Variants in NETO1 observed in about 807,000 individuals in gnomAD.
The protein encoded by NETO1 is neuropilin and tolloid like 1, also known as neuropilin and tolloid-like protein 1.
In NETO1, 26 loss-of-function variants were observed where a neutral mutation model predicts 61.3. The ratio of observed to expected loss-of-function variants is 0.42; its 90% CI spans 0.31 to 0.59. The LOEUF is 0.59. Among genes scored for constraint, NETO1 ranks in the 20% least tolerant of loss-of-function variants. The probability of loss-of-function intolerance (pLI) is 0.12; values close to 1 mark genes in which losing one functional copy is unlikely to be tolerated. For missense variants in NETO1, 531 were observed against 662.8 expected (o/e 0.80, Z 2.18); for synonymous variants, 225 against 225.8 (o/e 1.00, Z 0.03).
At chr18:72,760,024 C>T (rs1037479284) in intron 7 of NETO1, among the ~76,000 whole-genome samples, 3 of 152,122 alleles carry the variant, frequency 2.0e-5, no homozygotes, top group Non-Finnish European at 2.9e-5. Flanking sequence ...ATAGATGGAA[C>T]GATTTGCTAT....
intron 4 of NETO1, among the ~76,000 whole-genome samples, chr18:72,813,653 T>A (rs1023810405): frequency 6.6e-6 from 1 of 152,190 alleles, no homozygotes; most frequent in Non-Finnish European, 1.5e-5. Flanking sequence ...AAAATCACAG[T>A]AATTGCAATA....
chr18:72,855,544 G>A (rs986535229), intron 4 of NETO1, among the ~76,000 whole-genome samples: 2 of 152,138 alleles, frequency 1.3e-5, no homozygotes, highest in Non-Finnish European at 2.9e-5. Flanking sequence ...CTCTGCCTCC[G>A]TATCCTCCAC....
chr18:72,858,375 C>T (rs2074467576), intron 4 of NETO1, among the ~76,000 whole-genome samples: 1 of 152,126 alleles, frequency 6.6e-6, no homozygotes, highest in African/African-American at 2.4e-5. Flanking sequence ...CAGACTACTT[C>T]CTAAAGTAGG....
At chr18:72,762,348 T>C (rs2071005540) in intron 7 of NETO1, among the ~76,000 whole-genome samples, 1 of 152,136 alleles carries the variant, frequency 6.6e-6, no homozygotes, top group South Asian at 2.1e-4. Context: ...CACTTTTTAA[T>C]TTATGAAAAC....
At chr18:72,749,953 T>A in intron 9 of NETO1, 109 bp downstream of exon 9, 1 of 848,464 alleles carries the variant, frequency 1.2e-6, no homozygotes, top group Non-Finnish European at 1.8e-6. Flanking sequence ...AGGGTTTAAA[T>A]CATTAATTAA....
intron 4 of NETO1, among the ~76,000 whole-genome samples, chr18:72,829,659 C>T (rs1339085841): frequency 6.6e-6 from 1 of 152,152 alleles, no homozygotes; most frequent in East Asian, 1.9e-4. Flanking sequence ...TAATTAGCTG[C>T]TCCTTTGCCA....
chr18:72,851,994 GA>G (rs1472886924), intron 4 of NETO1, among the ~76,000 whole-genome samples: 2 of 152,058 alleles, frequency 1.3e-5, no homozygotes, highest in African/African-American at 4.8e-5. Flanking sequence ...AAGGTTGAAG[GA>G]AATAAATTCC....
chr18:72,853,751 C>A (rs531071486), intron 4 of NETO1, among the ~76,000 whole-genome samples: 115 of 141,238 alleles, frequency 8.1e-4, no homozygotes, highest in South Asian at 1.1e-3. Flanking sequence ...AGTGAGATGT[C>A]AAAAAAAAAA....
intron 4 of NETO1, among the ~76,000 whole-genome samples, chr18:72,846,312 G>C (rs1311738400): frequency 1.3e-5 from 2 of 151,408 alleles, no homozygotes; most frequent in African/African-American, 4.9e-5. Flanking sequence ...AGACCAGCCT[G>C]GCCAATATGG....
At chr18:72,811,039 G>C (rs1321924206) in intron 4 of NETO1, among the ~76,000 whole-genome samples, 1 of 152,140 alleles carries the variant, frequency 6.6e-6, no homozygotes, top group Non-Finnish European at 1.5e-5. Context: ...CCAAGAGCTT[G>C]CAATTATTCT....
chr18:72,772,823 CTCTATATATATATATATATATATA>C (rs1485359176), intron 7 of NETO1, among the ~76,000 whole-genome samples: 507 of 38,790 alleles, frequency 0.013, 3 homozygotes, highest in African/African-American at 0.041. Flanking sequence ...CTCTCTCTCT[CTCTATATATATATATATATATATA>C]TATATATATA....
chr18:72,778,007 T>G (rs2071615010), intron 7 of NETO1, among the ~76,000 whole-genome samples: 1 of 152,118 alleles, frequency 6.6e-6, no homozygotes, highest in South Asian at 2.1e-4. Context: ...GAAACATAGG[T>G]GAAGGCAGCC....
intron 3 of NETO1, among the ~76,000 whole-genome samples, chr18:72,862,912 G>C (rs1213379858): frequency 1.3e-5 from 2 of 152,066 alleles, no homozygotes; most frequent in South Asian, 2.1e-4. Flanking sequence ...GAGCCACCAC[G>C]TCTGGCGATC....
At chr18:72,765,085 C>T in intron 7 of NETO1, among the ~76,000 whole-genome samples, 1 of 152,162 alleles carries the variant, frequency 6.6e-6, no homozygotes, top group Non-Finnish European at 1.5e-5. Context: ...AAACACTTTC[C>T]AATAATGTTA....
rs1942459 is a variant in NETO1 at position 72,809,386 on chromosome 18, T to C, written c.470-14982A>G. Among the ~76,000 whole-genome samples the C allele has an allele frequency of 4.5e-3, 687 of 152,316 alleles. 7 individuals carry two copies. The highest frequency in any genetic ancestry group is 0.015 in the African/African-American group (630 of 41,582). ...TTAATATGCTGAACCTGTATGTAAC[T>C]AACACTTATTGACAGAATTCTACCT... is the stretch of plus-strand genomic sequence containing the variant. On this transcript the variant is annotated intron_variant, in intron 4 of 10. Coordinates refer to ENST00000327305, the MANE Select transcript of NETO1 (RefSeq NM_138966.5).
chr18:72,834,420 A>C, intron 4 of NETO1: 1 of 974,006 alleles, frequency 1.0e-6, no homozygotes, highest in Non-Finnish European at 1.2e-6. Context: ...AGAAAATTTC[A>C]CTGAAATTTA....
intron 4 of NETO1, among the ~76,000 whole-genome samples, chr18:72,845,804 C>G (rs868610659): frequency 1.3e-5 from 2 of 152,184 alleles, no homozygotes; most frequent in African/African-American, 2.4e-5. Flanking sequence ...AACAACAGAG[C>G]AAATCACATG....
rs1379164806 is a variant in NETO1, at chr18:72,794,200, T to C, written c.556A>G (p.Ile186Val). 7 of 1,614,082 alleles carry C rather than the reference T, an allele frequency of 4.3e-6. No individual in the cohort carries two copies. In the Admixed American group the frequency reaches 6.7e-5, roughly 15 times the overall value. Reference protein sequence around the residue: ...MGGSEGIVESIQIMKEGKATA... With the variant: ...MGGSEGIVESVQIMKEGKATA... Reference sequence around the variant, plus strand: ...GCTTTGCCTTCCTTCATAATTTGTATAGACTCCACAATTCCTTCGGAACCG... The same window carrying C: ...GCTTTGCCTTCCTTCATAATTTGTACAGACTCCACAATTCCTTCGGAACCG... Residue 186 changes from isoleucine to valine, a missense_variant, in exon 6 of 11, where the codon ATA becomes GTA. Ile to Val is a conservative substitution (Grantham distance 29, BLOSUM62 3). Coordinates refer to ENST00000327305, the MANE Select transcript of NETO1 (RefSeq NM_138966.5).
intron 6 of NETO1, among the ~76,000 whole-genome samples, chr18:72,787,528 A>T (rs1279280256): frequency 6.6e-6 from 1 of 152,192 alleles, no homozygotes; most frequent in Non-Finnish European, 1.5e-5. Flanking sequence ...AATTTCTAAC[A>T]TTGCATGTAG....
Sources: allele counts gnomAD v4.1 joint callset (sites outside exome capture counted in the v4.1 genomes callset), GRCh38; gene constraint gnomAD v4.1.1; transcripts MANE v1.5; gene names NCBI Gene and HGNC (gene_info 2026-07-23, HGNC 2026-07-21).